The following TSHZ3 variants were observed in gnomAD, a reference collection of about 807,000 sequenced individuals.
TSHZ3 encodes the protein teashirt homolog 3.
A neutral mutation model predicts 64.5 loss-of-function variants in TSHZ3; 10 were observed. The observed-to-expected ratio is 0.16, with a 90% CI of 0.10 to 0.26. The LOEUF is 0.26. TSHZ3 is among the 10% of genes least tolerant of loss of function. The pLI, the probability that TSHZ3 is intolerant of heterozygous loss-of-function variation, is 1.00. For synonymous variants in TSHZ3, 608 were observed against 593.1 expected, an observed-to-expected ratio of 1.03 and a Z score of -0.36; for missense variants, 1,242 against 1,421.7, an observed-to-expected ratio of 0.87 and a Z score of 2.03.
chr19:31,263,222 C>T (rs1156936350), intron 1 of TSHZ3, among the ~76,000 whole-genome samples: 4 of 152,180 alleles, frequency 2.6e-5, no homozygotes, highest in African/African-American at 9.7e-5. Flanking sequence ...TCCAAATTCT[C>T]AAGGCCGTTG....
At chr19:31,212,246 AG>A (rs1206375057) in intron 4 of TSHZ3, among the ~76,000 whole-genome samples, 1 of 152,092 alleles carries the variant, frequency 6.6e-6, no homozygotes, top group Non-Finnish European at 1.5e-5. Context: ...ACTTGAGGTC[AG>A]GAGTTCGAGA....
intron 4 of TSHZ3, among the ~76,000 whole-genome samples, chr19:31,216,387 C>A (rs1975329695): frequency 6.6e-6 from 1 of 151,710 alleles, no homozygotes; most frequent in Non-Finnish European, 1.5e-5. Context: ...GACAGTAACA[C>A]AAGGTAGTGT....
At chr19:31,314,049 TGCCTGCCTCTCGA>T (rs1313192297) in intron 1 of TSHZ3, among the ~76,000 whole-genome samples, 4 of 152,152 alleles carry the variant, frequency 2.6e-5, no homozygotes, top group Non-Finnish European at 5.9e-5. Flanking sequence ...GACCCCCTCG[TGCCTGCCTCTCGA>T]GTGGCTGTTG....
At chr19:31,291,335 C>A (rs1336790144) in intron 1 of TSHZ3, among the ~76,000 whole-genome samples, 4 of 152,188 alleles carry the variant, frequency 2.6e-5, no homozygotes, top group Non-Finnish European at 5.9e-5. Context: ...TCTTTGAATT[C>A]TTGCTGCAAT....
intron 1 of TSHZ3, among the ~76,000 whole-genome samples, chr19:31,347,688 G>A (rs146056783): frequency 6.6e-6 from 1 of 152,198 alleles, no homozygotes; most frequent in East Asian, 1.9e-4. Context: ...TCTAAATTTG[G>A]GCAACACCGA....
intron 5 of TSHZ3, among the ~76,000 whole-genome samples, chr19:31,180,102 G>T (rs1599564363): frequency 2.6e-5 from 4 of 152,164 alleles, no homozygotes; most frequent in Admixed American, 1.3e-4. Context: ...GTTTGTTTGT[G>T]TTCCTTACCC....
At chr19:31,211,546 G>A (rs549740159) in intron 4 of TSHZ3, among the ~76,000 whole-genome samples, 11 of 152,196 alleles carry the variant, frequency 7.2e-5, no homozygotes, top group Non-Finnish European at 1.3e-4. Flanking sequence ...GCAGTGGTGA[G>A]GAAGGGCATC....
At chr19:31,213,384 A>AAAAAAAAT (rs1195261890) in intron 4 of TSHZ3, among the ~76,000 whole-genome samples, 1 of 148,306 alleles carries the variant, frequency 6.7e-6, no homozygotes, top group Non-Finnish European at 1.5e-5. Context: ...AAAAAAAAAA[A>AAAAAAAAT]AAAAAAATCA....
At chr19:31,314,380 G>C (rs1916545706) in intron 1 of TSHZ3, among the ~76,000 whole-genome samples, 1 of 152,186 alleles carries the variant, frequency 6.6e-6, no homozygotes, top group African/African-American at 2.4e-5. Flanking sequence ...ATGGGCAGCG[G>C]CCGGAACCGT....
chr19:31,277,225 C>G lies in TSHZ3; in HGVS notation c.2568G>C (p.Glu856Asp). 3 of 1,614,210 alleles carry G rather than the reference C, an allele frequency of 1.9e-6. No individual in the cohort carries two copies. The highest frequency in any genetic ancestry group is 2.5e-6 in the Non-Finnish European group (3 of 1,180,036). The change falls in exon 2 of 2, where the codon GAG becomes GAC. Residue 856 changes from glutamate (E) to aspartate (D), a missense_variant. Glu to Asp is a conservative substitution (Grantham distance 45, BLOSUM62 2). This residue lies in a region of TSHZ3 where 550 missense variants were observed against 545.1 expected (regional missense o/e 1.01). Coordinates refer to ENST00000240587, the MANE Select transcript of TSHZ3 (RefSeq NM_020856.4). This position sits in a 1 kb window ranked among gnomAD's most constrained non-coding sequence, Gnocchi z 4.5. ...DISDMLKNLT[E>D]SHTSKSSTPS... ...GAGTGGAGGATTTTGACGTGTGGCT[C>G]TCTGTCAAGTTCTTCAGCATATCGG...
downstream of TSHZ3, among the ~76,000 whole-genome samples, chr19:31,271,451 C>T (rs1026703259): frequency 4.6e-5 from 7 of 152,198 alleles, no homozygotes; most frequent in South Asian, 2.1e-4. Context: ...ATCCAGCCCT[C>T]GGCTGCAACA....
intron 1 of TSHZ3, among the ~76,000 whole-genome samples, chr19:31,247,204 CAG>C (rs1416428129): frequency 6.6e-6 from 1 of 152,148 alleles, no homozygotes; most frequent in African/African-American, 2.4e-5. Context: ...TGAGGAATAA[CAG>C]GGGATATTTA....
chr19:31,333,150 A>AAATAAATAAATAAATC (rs1323460536), intron 1 of TSHZ3, among the ~76,000 whole-genome samples: 5 of 137,954 alleles, frequency 3.6e-5, no homozygotes, highest in African/African-American at 1.1e-4. Flanking sequence ...ATAAATAAAT[A>AAATAAATAAATAAATC]AATCCAGGGG....
At chr19:31,330,735 A>G (rs1917065524) in intron 1 of TSHZ3, among the ~76,000 whole-genome samples, 1 of 150,482 alleles carries the variant, frequency 6.6e-6, no homozygotes, top group South Asian at 2.1e-4. Flanking sequence ...CAGAACACCT[A>G]TGGGTCATGA....
At chr19:31,240,887 T>C (rs918660439) in intron 3 of TSHZ3, among the ~76,000 whole-genome samples, 3 of 152,156 alleles carry the variant, frequency 2.0e-5, no homozygotes, top group Non-Finnish European at 4.4e-5. Flanking sequence ...TAGTTTACAT[T>C]TTTCTGCTCA....
intron 4 of TSHZ3, among the ~76,000 whole-genome samples, chr19:31,211,086 T>C (rs1301021780): frequency 1.3e-5 from 2 of 152,208 alleles, no homozygotes; most frequent in African/African-American, 2.4e-5. Flanking sequence ...GAAAGTGAAG[T>C]ACATTTTTAA....
intron 4 of TSHZ3, among the ~76,000 whole-genome samples, chr19:31,219,479 A>G (rs1167118934): frequency 6.6e-6 from 1 of 151,724 alleles, no homozygotes; most frequent in Non-Finnish European, 1.5e-5. Context: ...TTGTGATTTT[A>G]CCCTCTTCTA....
chr19:31,263,505 C>G (rs7250070), intron 1 of TSHZ3, among the ~76,000 whole-genome samples: 3,238 of 152,342 alleles, frequency 0.021, 118 homozygotes, highest in African/African-American at 0.074. Flanking sequence ...TTCTCCCCAG[C>G]TGGAGTGCCC....
chr19:31,340,338 CAAAAAAA>C (rs1160334453), intron 1 of TSHZ3, among the ~76,000 whole-genome samples: 7 of 32,754 alleles, frequency 2.1e-4, no homozygotes, highest in East Asian at 1.1e-3. Context: ...GCCTACAGTA[CAAAAAAA>C]AAAAAAAAAA....
Sources: gnomAD v4.1 joint callset for allele counts (sites outside exome capture counted in the v4.1 genomes callset) on GRCh38, gnomAD v4.1.1 for gene constraint, gnomAD v4.1.1 regional missense constraint, Gnocchi (gnomAD v3.1) non-coding constraint, MANE v1.5 for transcripts, NCBI Gene and HGNC (gene_info 2026-07-23, HGNC 2026-07-21) for gene names.